SPATA31G1: variants seen among roughly 807,000 people sequenced by gnomAD.
SPATA31G1 encodes the protein spermatogenesis-associated protein 31G1.
At chr9:35,044,444 T>C in the SPATA31G1 span, 2 of 1,614,138 alleles carry the variant, frequency 1.2e-6, no homozygotes, top group African/African-American at 1.3e-5. Context: ...ACCCAGCTTG[T>C]AACTTACCCC....
At chr9:35,043,163 G>T in the SPATA31G1 span, 1 of 1,614,194 alleles carries the variant, frequency 6.2e-7, no homozygotes, top group Non-Finnish European at 8.5e-7. Context: ...GCTTTCCTGT[G>T]AGGCACAAGA....
the SPATA31G1 span, chr9:35,045,333 G>C: frequency 6.2e-7 from 1 of 1,614,098 alleles, no homozygotes; most frequent in Non-Finnish European, 8.5e-7. Flanking sequence ...CCCATCCCAA[G>C]GGCCATGTGT....
the SPATA31G1 span, chr9:35,044,540 TC>T: frequency 8.3e-5 from 134 of 1,614,180 alleles, 1 homozygote; most frequent in South Asian, 1.3e-3. Flanking sequence ...AAAACTGTGT[TC>T]CTGTGTTCCC....
At chr9:35,043,209 C>G in the SPATA31G1 span, 1 of 1,614,234 alleles carries the variant, frequency 6.2e-7, no homozygotes, top group Non-Finnish European at 8.5e-7. Context: ...GAGAAAAAGC[C>G]AGCTCTTCTG....
the SPATA31G1 span, chr9:35,045,501 A>C: frequency 6.2e-7 from 1 of 1,614,042 alleles, no homozygotes; most frequent in Admixed American, 1.7e-5. Flanking sequence ...AGACCATAGA[A>C]GAGGGACTGC....
At chr9:35,042,913 A>C in the SPATA31G1 span, 1 of 1,614,170 alleles carries the variant, frequency 6.2e-7, no homozygotes, top group Non-Finnish European at 8.5e-7. Flanking sequence ...TGTAAGCAGA[A>C]ATCAGAAGTG....
the SPATA31G1 span, chr9:35,045,550 C>T: frequency 6.2e-7 from 1 of 1,614,212 alleles, no homozygotes. Context: ...AAGAACCACC[C>T]TGCCCAGGCC....
the SPATA31G1 span, chr9:35,045,038 T>C: frequency 2.5e-6 from 4 of 1,614,192 alleles, no homozygotes; most frequent in East Asian, 2.2e-5. Context: ...CCAGAGCCCC[T>C]GGCCCAAGTC....
the SPATA31G1 span, chr9:35,042,263 G>A: frequency 2.5e-6 from 4 of 1,613,894 alleles, no homozygotes; most frequent in Non-Finnish European, 2.5e-6. Flanking sequence ...AAATGGAATG[G>A]CTGCTGGAGG....
chr9:35,045,628 A>G, the SPATA31G1 span: 1 of 1,614,188 alleles, frequency 6.2e-7, no homozygotes, highest in Non-Finnish European at 8.5e-7. Context: ...CAGAGCTCTC[A>G]ACACACTGCT....
the SPATA31G1 span, chr9:35,043,222 G>T: frequency 1.2e-6 from 2 of 1,614,172 alleles, no homozygotes; most frequent in Middle Eastern, 1.6e-4. Flanking sequence ...CTCTTCTGGG[G>T]TCTCCCCTCT....
the SPATA31G1 span, chr9:35,043,577 T>A: frequency 6.2e-7 from 1 of 1,614,068 alleles, no homozygotes; most frequent in Admixed American, 1.7e-5. Flanking sequence ...CCCTGGAAGT[T>A]CTCCCTGGAT....
At chr9:35,044,794 C>G in the SPATA31G1 span, 1 of 1,614,184 alleles carries the variant, frequency 6.2e-7, no homozygotes. Flanking sequence ...AGCCCTCTGG[C>G]AGTGGATCCC....
chr9:35,041,686 G>C, the SPATA31G1 span: 1 of 154,058 alleles, frequency 6.5e-6, no homozygotes, highest in African/African-American at 2.4e-5. Context: ...GGGCAATATA[G>C]AGAGATCCTG....
the SPATA31G1 span, chr9:35,044,916 C>G: frequency 6.2e-7 from 1 of 1,614,166 alleles, no homozygotes; most frequent in Non-Finnish European, 8.5e-7. Context: ...AGAGGCCCCA[C>G]TCTCCCAGAG....
At chr9:35,042,230 G>T in the SPATA31G1 span, 1 of 1,610,282 alleles carries the variant, frequency 6.2e-7, no homozygotes, top group Non-Finnish European at 8.5e-7. Context: ...TGACCTCAGG[G>T]TAAACTGCCA....
the SPATA31G1 span, chr9:35,044,737 A>C: frequency 6.2e-7 from 1 of 1,614,072 alleles, no homozygotes; most frequent in Non-Finnish European, 8.5e-7. Flanking sequence ...ATTGACCTTG[A>C]ACTTGTGTGG....
At chr9:35,042,880 G>A in the SPATA31G1 span, 49 of 1,613,920 alleles carry the variant, frequency 3.0e-5, no homozygotes, top group South Asian at 8.8e-5. Context: ...CTTCTGCACC[G>A]TGTGGCCTTC....
the SPATA31G1 span, chr9:35,041,551 G>C: frequency 6.5e-6 from 1 of 154,944 alleles, no homozygotes; most frequent in Non-Finnish European, 1.4e-5. Context: ...GACCAGCCGG[G>C]GCAATACAAT....
Sources: allele counts gnomAD v4.1 joint callset, GRCh38; gene constraint gnomAD v4.1.1; transcripts MANE v1.5; gene names NCBI Gene and HGNC (gene_info 2026-07-23, HGNC 2026-07-21).